The following SETBP1 variants were observed in gnomAD, a reference collection of about 807,000 sequenced individuals.
SETBP1 encodes the protein SET binding protein 1.
SETBP1 carries 9 observed loss-of-function variants against 101.0 expected under a neutral mutation model. The ratio of observed to expected loss-of-function variants is 0.09; its 90% CI spans 0.05 to 0.16. The LOEUF is 0.16. Among genes scored for constraint, SETBP1 ranks in the 10% least tolerant of loss-of-function variants. SETBP1 has a pLI of 1.00. For synonymous variants in SETBP1, 818 were observed against 788.5 expected, an observed-to-expected ratio of 1.04 and a Z score of -0.63; for missense variants, 1,858 against 2,033.8, an observed-to-expected ratio of 0.91 and a Z score of 1.66.
At chr18:44,684,353 G>T (rs1002294238) in intron 1 of SETBP1, among the ~76,000 whole-genome samples, 1 of 152,156 alleles carries the variant, frequency 6.6e-6, no homozygotes, top group African/African-American at 2.4e-5. Context: ...ACTATAATTC[G>T]TGAATGCAGA....
At chr18:44,754,476 A>T (rs1260119378) in intron 2 of SETBP1, among the ~76,000 whole-genome samples, 1 of 152,226 alleles carries the variant, frequency 6.6e-6, no homozygotes, top group African/African-American at 2.4e-5. Context: ...TCTATTTTGT[A>T]TCATCAGTGG....
chr18:44,820,689 G>C (rs1019091648), intron 2 of SETBP1, among the ~76,000 whole-genome samples: 2 of 152,160 alleles, frequency 1.3e-5, no homozygotes, highest in Non-Finnish European at 2.9e-5. Flanking sequence ...GGGAATGCAG[G>C]GTTGGAATGA....
intron 1 of SETBP1, 27 bp from the exon 2 acceptor site, chr18:44,701,148 A>G (rs1334792357): frequency 8.3e-6 from 4 of 482,194 alleles, no homozygotes; most frequent in Non-Finnish European, 1.1e-5. Context: ...CCTTTCTGCC[A>G]TGCCTAACTG....
chr18:45,042,105 G>A (rs989744809), intron 5 of SETBP1, among the ~76,000 whole-genome samples: 1 of 151,224 alleles, frequency 6.6e-6, no homozygotes, highest in East Asian at 1.9e-4. Flanking sequence ...ATTAAATATG[G>A]TGAGAGACAT....
intron 2 of SETBP1, among the ~76,000 whole-genome samples, chr18:44,754,837 A>T (rs1438389070): frequency 1.3e-5 from 2 of 152,192 alleles, no homozygotes; most frequent in African/African-American, 4.8e-5. Context: ...TTTACGCTTA[A>T]AATCCTCTCT....
chr18:45,032,001 G>T (rs1265727313), intron 4 of SETBP1, among the ~76,000 whole-genome samples: 1 of 152,094 alleles, frequency 6.6e-6, no homozygotes, highest in African/African-American at 2.4e-5. Flanking sequence ...TTCTGCTTTT[G>T]CTCTGGTCAT....
At chr18:45,034,093 T>G (rs979324534) in intron 4 of SETBP1, among the ~76,000 whole-genome samples, 2 of 152,194 alleles carry the variant, frequency 1.3e-5, no homozygotes, top group Non-Finnish European at 2.9e-5. Context: ...CCTGGGAAAG[T>G]CAGCCACCAC....
intron 3 of SETBP1, among the ~76,000 whole-genome samples, chr18:44,918,351 C>T (rs1469091990): frequency 1.3e-5 from 2 of 152,164 alleles, no homozygotes; most frequent in Non-Finnish European, 2.9e-5. Flanking sequence ...TGACCTGGAG[C>T]GTAGGTTTCC....
intron 3 of SETBP1, among the ~76,000 whole-genome samples, chr18:44,903,528 C>A (rs1250674135): frequency 6.6e-6 from 1 of 152,176 alleles, no homozygotes; most frequent in African/African-American, 2.4e-5. Context: ...ATGGGGATGA[C>A]ATAGATGATG....
At chr18:44,983,418 C>T (rs1385007897) in intron 4 of SETBP1, among the ~76,000 whole-genome samples, 1 of 152,110 alleles carries the variant, frequency 6.6e-6, no homozygotes, top group Non-Finnish European at 1.5e-5. Context: ...GACACTCTTA[C>T]CCCCATTATA....
chr18:44,781,037 A>G (rs1189173716), intron 2 of SETBP1, among the ~76,000 whole-genome samples: 1 of 152,188 alleles, frequency 6.6e-6, no homozygotes, highest in Non-Finnish European at 1.5e-5. Context: ...AAGGACCAAT[A>G]TGTCAGGCCT....
At chr18:44,868,414 G>A (rs189092194) in intron 2 of SETBP1, among the ~76,000 whole-genome samples, 1 of 152,176 alleles carries the variant, frequency 6.6e-6, no homozygotes, top group East Asian at 1.9e-4. Context: ...AGAAAAAATG[G>A]TCGGGTGCAG....
At chr18:44,856,357 T>G (rs1244254210) in intron 2 of SETBP1, among the ~76,000 whole-genome samples, 1 of 152,200 alleles carries the variant, frequency 6.6e-6, no homozygotes, top group Non-Finnish European at 1.5e-5. Flanking sequence ...ATGCTAAGAC[T>G]TCTAAAGCCA....
intron 2 of SETBP1, among the ~76,000 whole-genome samples, chr18:44,741,293 G>A (rs1185072723): frequency 6.6e-6 from 1 of 152,178 alleles, no homozygotes; most frequent in African/African-American, 2.4e-5. Context: ...TCTGGCTGAT[G>A]GGAGGATAAG....
rs137893083 is a variant in SETBP1, at chr18:44,686,544, C to T, written c.-173+5523C>T. On this transcript the variant is annotated intron_variant, in intron 1 of 5. Coordinates refer to ENST00000649279, the MANE Select transcript of SETBP1 (RefSeq NM_015559.3). ...CTGCCTTGCTGTTTGTTATCACTTA[C>T]CCCCTCCAAGCTCTGAGCCCTTGAA... 3.6e-3 allele frequency among the ~76,000 whole-genome samples: 555 copies of T among 152,280 alleles called. 3 individuals are homozygous for T. The highest frequency in any genetic ancestry group is 0.012 in the African/African-American group (518 of 41,558).
chr18:44,848,252 C>T (rs190431286), intron 2 of SETBP1, among the ~76,000 whole-genome samples: 2 of 152,172 alleles, frequency 1.3e-5, no homozygotes, highest in East Asian at 3.9e-4. Flanking sequence ...CAAGGCTTAG[C>T]TAGTTTGGGG....
rs369200035 is a variant in SETBP1 at position 44,793,204 on chromosome 18, C to A, written c.487-76026C>A. 5.4e-4 allele frequency among the ~76,000 whole-genome samples: 82 copies of A among 152,332 alleles called. No individual in the cohort carries two copies. In the South Asian group the frequency reaches 0.016, roughly 30 times the overall value. ...TGCTGAATGAGCCGTCATTGGTCTG[C>A]TGAACCTCAGTTTTTTTATCTATAA... On this transcript the variant is annotated intron_variant, in intron 2 of 5. Transcript: ENST00000649279.
intron 3 of SETBP1, among the ~76,000 whole-genome samples, chr18:44,948,214 G>A (rs1858106108): frequency 6.6e-6 from 1 of 152,078 alleles, no homozygotes; most frequent in African/African-American, 2.4e-5. Context: ...TTTCTCCTGG[G>A]TATTTGCAGG....
At chr18:44,748,901 A>G (rs974599454) in intron 2 of SETBP1, among the ~76,000 whole-genome samples, 3 of 152,158 alleles carry the variant, frequency 2.0e-5, no homozygotes, top group Admixed American at 6.5e-5. Flanking sequence ...ACAGGTGAAG[A>G]GAGGTGGTAA....
Sources: gnomAD v4.1 joint callset for allele counts (sites outside exome capture counted in the v4.1 genomes callset) on GRCh38, gnomAD v4.1.1 for gene constraint, MANE v1.5 for transcripts, NCBI Gene and HGNC (gene_info 2026-07-23, HGNC 2026-07-21) for gene names.